NUP107: variants seen among roughly 807,000 people sequenced by gnomAD.
NUP107 encodes nucleoporin 107, also known as nuclear pore complex protein Nup107.
A neutral mutation model predicts 141.0 loss-of-function variants in NUP107; 101 were observed. That is an observed-to-expected ratio of 0.72 (90% confidence interval 0.61 to 0.84). The LOEUF is 0.84. NUP107 is among the 40% of genes least tolerant of loss of function. The pLI is 0.00. For synonymous variants in NUP107, 319 were observed against 363.9 expected (o/e 0.88, Z 1.41); for missense variants, 941 against 1,102.7 (o/e 0.85, Z 2.08).
chr12:68,716,243 T>TTA (rs1877105847), intron 12 of NUP107, among the ~76,000 whole-genome samples: 1 of 140,606 alleles, frequency 7.1e-6, no homozygotes, highest in South Asian at 2.2e-4. Context: ...CTTTCTTTCT[T>TTA]TCTTTTTTTT....
intron 20 of NUP107, among the ~76,000 whole-genome samples, chr12:68,728,514 C>G (rs1008629609): frequency 6.7e-6 from 1 of 148,466 alleles, no homozygotes; most frequent in Non-Finnish European, 1.5e-5. Context: ...GCCTCCGCCT[C>G]CCAGGTTCAA....
At position 68,745,294 on chromosome 12, in the gene NUP107, C is replaced by A. The variant is rs1878482818; in HGVS notation, c.*2832C>A. ...CTGCTGAATTAATCCTAGACTCTGT[C>A]TTAAAACTAAGAATTGATGTATTGG... is the stretch of plus-strand genomic sequence containing the variant. On this transcript the variant is annotated 3_prime_UTR_variant, in exon 28 of 28. Transcript: ENST00000229179. 6.6e-6 allele frequency: 1 copy of A among 152,212 alleles called. No individual in the cohort carries two copies. Among genetic ancestry groups the A allele is most frequent in the Non-Finnish European group, 1.5e-5 (1 of 68,048 alleles). The allele number at this position is 152,212 out of a possible 1,614,324, so 9.4% of individuals were successfully genotyped here.
intron 5 of NUP107, among the ~76,000 whole-genome samples, chr12:68,694,504 T>C (rs1875955722): frequency 6.6e-6 from 1 of 152,170 alleles, no homozygotes; most frequent in African/African-American, 2.4e-5. Context: ...AGAGAAAATA[T>C]TTGCAAATCA....
chr12:68,725,906 A>G, intron 18 of NUP107, 110 bp downstream of exon 18: 12 of 602,514 alleles, frequency 2.0e-5, no homozygotes, highest in Non-Finnish European at 3.1e-5. Flanking sequence ...GCTCAGTCTC[A>G]GCTCACTGCA....
At chr12:68,730,430 G>A (rs1245802078) in intron 20 of NUP107, among the ~76,000 whole-genome samples, 1 of 151,848 alleles carries the variant, frequency 6.6e-6, no homozygotes, top group Non-Finnish European at 1.5e-5. Context: ...TGTTGGCCAG[G>A]CTGGTCTTGA....
intron 14 of NUP107, 143 bp downstream of exon 14, chr12:68,719,797 T>C (rs1877279233): frequency 1.6e-6 from 1 of 643,300 alleles, no homozygotes; most frequent in Admixed American, 2.7e-5. Context: ...CTTAACTACT[T>C]ATCAGAATTA....
At chr12:68,706,889 C>G in intron 8 of NUP107, 1 of 747,874 alleles carries the variant, frequency 1.3e-6, no homozygotes, top group South Asian at 1.4e-5. Flanking sequence ...TTCAGGTGGT[C>G]TGAGCTCGGC....
Position 68,718,070 on chromosome 12 carries a change from A to G in NUP107, c.1084-1271A>G, listed in dbSNP as rs144676624. On this transcript the variant is annotated intron_variant, in intron 12 of 27. Coordinates refer to ENST00000229179, the MANE Select transcript of NUP107 (RefSeq NM_020401.4). Reference sequence around the variant, plus strand: ...CTTTCAGCAGGATCCAGGAACTCCAAAGATATCACTAGGATACTGTCTGTG... The same window carrying G: ...CTTTCAGCAGGATCCAGGAACTCCAGAGATATCACTAGGATACTGTCTGTG... Among the ~76,000 whole-genome samples the G allele has an allele frequency of 9.4e-3, 1,430 of 152,282 alleles. 12 individuals are homozygous for G. The highest frequency in any genetic ancestry group is 0.021 in the South Asian group (102 of 4,822).
intron 9 of NUP107, 112 bp downstream of exon 9, chr12:68,709,421 C>A: frequency 1.7e-6 from 1 of 587,526 alleles, no homozygotes; most frequent in Admixed American, 3.1e-5. Context: ...TTTTTTTCTA[C>A]TTGATCTTTT....
intron 17 of NUP107, among the ~76,000 whole-genome samples, chr12:68,725,242 G>A (rs1264932124): frequency 6.6e-6 from 1 of 151,492 alleles, no homozygotes; most frequent in Non-Finnish European, 1.5e-5. Flanking sequence ...AAATAAGTTA[G>A]AAAAGGTTTT....
At chr12:68,735,140 T>C (rs1878013530) in intron 25 of NUP107, 91 bp from the exon 26 acceptor site, 2 of 875,744 alleles carry the variant, frequency 2.3e-6, no homozygotes, top group Non-Finnish European at 3.8e-6. Context: ...TTTAGAATGA[T>C]GTTCTATATG....
intron 10 of NUP107, among the ~76,000 whole-genome samples, chr12:68,710,979 C>T (rs1176559120): frequency 3.3e-5 from 5 of 151,690 alleles, no homozygotes; most frequent in African/African-American, 7.3e-5. Context: ...ATTAGAGGCT[C>T]GGCGCTGTGG....
intron 7 of NUP107, among the ~76,000 whole-genome samples, chr12:68,702,435 T>C (rs1876376150): frequency 6.6e-6 from 1 of 152,062 alleles, no homozygotes; most frequent in Non-Finnish European, 1.5e-5. Flanking sequence ...TAACTTTTTT[T>C]ATTTTTAGTA....
chr12:68,721,714 T>C, intron 15 of NUP107, 127 bp from the exon 16 acceptor site: 1 of 915,460 alleles, frequency 1.1e-6, no homozygotes, highest in East Asian at 2.5e-5. Flanking sequence ...GCATAATTTT[T>C]TTAAAATCTG....
At chr12:68,730,650 T>A (rs1483559613) in intron 20 of NUP107, among the ~76,000 whole-genome samples, 1 of 152,224 alleles carries the variant, frequency 6.6e-6, no homozygotes, top group Non-Finnish European at 1.5e-5. Flanking sequence ...AAGAGCCAAC[T>A]GTACTCACTT....
At chr12:68,725,688 G>A in intron 17 of NUP107, 39 bp from the exon 18 acceptor site, 2 of 1,014,196 alleles carry the variant, frequency 2.0e-6, no homozygotes, top group Non-Finnish European at 1.5e-6. Context: ...CAGAATGACT[G>A]CTAGAAGATT....
chr12:68,731,610 T>C lies in NUP107; in HGVS notation c.1889T>C (p.Leu630Ser). 2 of 1,542,570 alleles carry C rather than the reference T, an allele frequency of 1.3e-6. No homozygotes were observed. Among genetic ancestry groups the C allele is most frequent in the Non-Finnish European group, 1.7e-6 (2 of 1,148,490 alleles). The change falls in exon 22 of 28, where the codon TTG (leucine) becomes TCG (serine). Residue 630 changes from leucine (L) to serine (S), a missense_variant. Coordinates refer to ENST00000229179, the MANE Select transcript of NUP107 (RefSeq NM_020401.4). ...GTCGCTTCAAAAAATTATTTAGATT[T>C]GGATGTTGCAACAATAACAAAAACT... Reference protein sequence around the residue: ...HCLELAKEADLDVATITKTVV... With the variant: ...HCLELAKEADSDVATITKTVV...
chr12:68,738,827 T>C (rs1878190260), intron 26 of NUP107, among the ~76,000 whole-genome samples: 3 of 152,188 alleles, frequency 2.0e-5, no homozygotes, highest in African/African-American at 7.2e-5. Flanking sequence ...AATCGTTCCT[T>C]ATACAGATGG....
At chr12:68,726,676 C>G (rs952828433) in intron 19 of NUP107, 59 bp downstream of exon 19, 43 of 986,174 alleles carry the variant, frequency 4.4e-5, no homozygotes, top group Non-Finnish European at 5.7e-5. Flanking sequence ...TACCTATTGT[C>G]AAGAAAACAC....
Sources: gnomAD v4.1 joint callset for allele counts (sites outside exome capture counted in the v4.1 genomes callset) on GRCh38, gnomAD v4.1.1 for gene constraint, MANE v1.5 for transcripts, NCBI Gene and HGNC (gene_info 2026-07-23, HGNC 2026-07-21) for gene names.